Variants in MYO5B observed in about 807,000 individuals in gnomAD.
The protein encoded by MYO5B is unconventional myosin-Vb.
In MYO5B, 143 loss-of-function variants were observed where a neutral mutation model predicts 229.3. The ratio of observed to expected loss-of-function variants is 0.62; its 90% CI spans 0.54 to 0.72. The LOEUF is 0.72. MYO5B is among the 30% of genes least tolerant of loss of function. The probability of loss-of-function intolerance (pLI) is 0.00; values close to 1 mark genes in which losing one functional copy is unlikely to be tolerated. For missense variants in MYO5B, 2,321 were observed against 2,331.0 expected (o/e 1.00, Z 0.09); for synonymous variants, 918 against 885.2 (o/e 1.04, Z -0.66).
Position 50,170,939 on chromosome 18 carries a change from G to A in MYO5B, c.27+23828C>T, listed in dbSNP as rs545977373. Among the ~76,000 whole-genome samples the A allele has an allele frequency of 1.6e-5, 2 of 127,858 alleles. 1 individual carries two copies. The highest frequency in any genetic ancestry group is 4.5e-4 in the East Asian group (2 of 4,400). The allele number at this position is 127,858 out of a possible 152,430, so 83.9% of individuals were successfully genotyped here. Reference sequence around the variant, plus strand: ...CAATCTTTCTCTACTTGCTCACATTGGTTTCAGAAGTGAAGAGCTGCAAAA... The same window carrying A: ...CAATCTTTCTCTACTTGCTCACATTAGTTTCAGAAGTGAAGAGCTGCAAAA... On this transcript the variant is annotated intron_variant, in intron 1 of 39. Transcript: ENST00000285039.
chr18:50,004,227 A>C (rs946552592), intron 4 of MYO5B, among the ~76,000 whole-genome samples: 1 of 152,234 alleles, frequency 6.6e-6, no homozygotes, highest in Admixed American at 6.5e-5. Flanking sequence ...AAGTGTCAAG[A>C]ATTCAAAAAG....
intron 1 of MYO5B, among the ~76,000 whole-genome samples, chr18:50,072,242 A>AG (rs2030974389): frequency 8.8e-6 from 1 of 113,434 alleles, no homozygotes. Context: ...TTAAAAAGAG[A>AG]AAAAAAAAAA....
intron 14 of MYO5B, among the ~76,000 whole-genome samples, chr18:49,947,690 CCCCTTCG>C (rs2025389818): frequency 6.6e-6 from 1 of 152,124 alleles, no homozygotes; most frequent in African/African-American, 2.4e-5. Flanking sequence ...CACAATTTGT[CCCCTTCG>C]AACTCAAACA....
chr18:50,123,340 G>A (rs1432214508), intron 1 of MYO5B, among the ~76,000 whole-genome samples: 3 of 152,198 alleles, frequency 2.0e-5, no homozygotes, highest in Non-Finnish European at 4.4e-5. Context: ...TGGAACTAGA[G>A]AGAGGGAGTG....
At chr18:50,123,837 A>G (rs1327939036) in intron 1 of MYO5B, among the ~76,000 whole-genome samples, 1 of 152,206 alleles carries the variant, frequency 6.6e-6, no homozygotes, top group Non-Finnish European at 1.5e-5. Flanking sequence ...AACACCAGAC[A>G]ATGCTGGTAC....
In MYO5B at chr18:50,122,633, GGGAGAGAGAGAGAGAGAGA is replaced by G. The variant is rs1331412662; in HGVS notation, c.28-67274_28-67256del. 2.4e-4 allele frequency among the ~76,000 whole-genome samples: 13 copies of G among 53,786 alleles called. 1 individual carries two copies. Among genetic ancestry groups the G allele is most frequent in the East Asian group, 2.2e-3 (3 of 1,390 alleles). The allele number at this position is 53,786 out of a possible 152,430, so 35.3% of individuals were successfully genotyped here. A position where few individuals can be genotyped will look rare whatever the true frequency, so the allele number is the denominator to read the frequency against. On this transcript the variant is annotated intron_variant, in intron 1 of 39. Coordinates refer to ENST00000285039, the MANE Select transcript of MYO5B (RefSeq NM_001080467.3). ...AAGAGAGGGAGGGAGGGAAGGGGGG[GGGAGAGAGAGAGAGAGAGA>G]GAGAGAGAGAGAGAGAGAGAGAGAG... is the stretch of plus-strand genomic sequence containing the variant.
Position 50,055,244 on chromosome 18 carries a change from CCCCTG to C in MYO5B, c.138+19_138+23del. 9.6e-7 allele frequency: 1 copy of C among 1,042,034 alleles called. No homozygotes were observed. The highest frequency in any genetic ancestry group is 1.5e-6 in the Non-Finnish European group (1 of 665,050). 64.5% of individuals were successfully genotyped at this position (1,042,034 alleles called of 1,614,324 possible). A position where few individuals can be genotyped will look rare whatever the true frequency, so the allele number is the denominator to read the frequency against. On this transcript the variant is annotated intron_variant, in intron 2 of 39. Coordinates refer to ENST00000285039, the MANE Select transcript of MYO5B (RefSeq NM_001080467.3). ...CTCCCTGCCCCACCTCACCCCCGCC[CCCCTG>C]CCCCGGACTCACTCTTACCGTTTCA...
chr18:49,990,575 C>A, intron 6 of MYO5B, 55 bp from the exon 7 acceptor site: 1 of 1,458,508 alleles, frequency 6.9e-7, no homozygotes, highest in Non-Finnish European at 9.6e-7. Flanking sequence ...ACATCGTTCC[C>A]TCTGCCACTG....
intron 1 of MYO5B, among the ~76,000 whole-genome samples, chr18:50,174,145 A>G (rs1460626334): frequency 6.6e-6 from 1 of 152,166 alleles, no homozygotes; most frequent in East Asian, 1.9e-4. Flanking sequence ...AGACTCTGGT[A>G]CTTACATCAG....
intron 1 of MYO5B, among the ~76,000 whole-genome samples, chr18:50,106,059 C>A (rs552927970): frequency 6.6e-6 from 1 of 152,280 alleles, no homozygotes; most frequent in South Asian, 2.1e-4. Flanking sequence ...CCCCTGCATC[C>A]TCCGCCTGCT....
chr18:49,927,438 AAC>A (rs1377102233), intron 17 of MYO5B, among the ~76,000 whole-genome samples: 15 of 140,216 alleles, frequency 1.1e-4, no homozygotes, highest in African/African-American at 4.5e-4. Context: ...AAAACAAAAA[AAC>A]AAAACAAAAC....
chr18:50,129,782 T>C (rs1164212076), intron 1 of MYO5B, among the ~76,000 whole-genome samples: 2 of 152,164 alleles, frequency 1.3e-5, no homozygotes, highest in Non-Finnish European at 2.9e-5. Flanking sequence ...AAATCCTCTA[T>C]ACCTTGCATC....
At chr18:50,112,812 A>AG (rs2031890391) in intron 1 of MYO5B, among the ~76,000 whole-genome samples, 1 of 152,236 alleles carries the variant, frequency 6.6e-6, no homozygotes, top group African/African-American at 2.4e-5. Context: ...AATTTTCAGC[A>AG]GTGTAACATC....
At chr18:50,029,210 C>A (rs2026363059) in intron 4 of MYO5B, among the ~76,000 whole-genome samples, 1 of 152,144 alleles carries the variant, frequency 6.6e-6, no homozygotes, top group Non-Finnish European at 1.5e-5. Flanking sequence ...GCTGTATCAT[C>A]CCTAGGGGAG....
intron 10 of MYO5B, among the ~76,000 whole-genome samples, chr18:49,972,123 G>C (rs980560841): frequency 6.6e-6 from 1 of 152,166 alleles, no homozygotes; most frequent in Non-Finnish European, 1.5e-5. Flanking sequence ...GCTGGCACTA[G>C]GAACAGGAGA....
chr18:49,838,647 G>A (rs1366492526), intron 36 of MYO5B, among the ~76,000 whole-genome samples: 7 of 152,116 alleles, frequency 4.6e-5, no homozygotes, highest in Non-Finnish European at 8.8e-5. Context: ...TTTTTCTTCC[G>A]ATTGAAAATG....
At chr18:49,888,397 A>G (rs1354353880) in intron 22 of MYO5B, among the ~76,000 whole-genome samples, 1 of 152,182 alleles carries the variant, frequency 6.6e-6, no homozygotes, top group Admixed American at 6.5e-5. Context: ...CTCAGGGTCC[A>G]TGAAGGCTTC....
intron 4 of MYO5B, among the ~76,000 whole-genome samples, chr18:50,003,464 G>A (rs2026069087): frequency 2.0e-5 from 3 of 152,112 alleles, no homozygotes; most frequent in Admixed American, 6.5e-5. Flanking sequence ...AAAGCAGCCT[G>A]GGGATGTTTG....
chr18:50,179,434 G>T (rs562159557), intron 1 of MYO5B, among the ~76,000 whole-genome samples: 1 of 152,332 alleles, frequency 6.6e-6, no homozygotes, highest in Middle Eastern at 3.4e-3. Flanking sequence ...AAAGCTACCT[G>T]AACCGGGTAT....
Sources: gnomAD v4.1 joint callset for allele counts (sites outside exome capture counted in the v4.1 genomes callset) on GRCh38, gnomAD v4.1.1 for gene constraint, MANE v1.5 for transcripts, NCBI Gene and HGNC (gene_info 2026-07-23, HGNC 2026-07-21) for gene names.